Variants in MBD5 observed in about 807,000 individuals in gnomAD.
MBD5 encodes the protein methyl-CpG-binding domain protein 5.
MBD5 carries 13 observed loss-of-function variants against 117.3 expected under a neutral mutation model. The observed-to-expected ratio is 0.11, with a 90% CI of 0.07 to 0.18. The LOEUF (loss-of-function observed/expected upper bound fraction) is 0.18. Among genes scored for constraint, MBD5 ranks in the 10% least tolerant of loss-of-function variants. The pLI is 1.00. For missense variants in MBD5, 1,879 were observed against 2,093.8 expected, an observed-to-expected ratio of 0.90 and a Z score of 2.00; for synonymous variants, 727 against 766.4, an observed-to-expected ratio of 0.95 and a Z score of 0.85.
chr2:148,152,180 C>A (rs1372088973), intron 1 of MBD5, among the ~76,000 whole-genome samples: 1 of 152,116 alleles, frequency 6.6e-6, no homozygotes, highest in African/African-American at 2.4e-5. Context: ...TTTATTTCTG[C>A]CTTCATCTCG....
intron 4 of MBD5, among the ~76,000 whole-genome samples, chr2:148,446,600 A>ATGTGTGTGTGTGTGTG (rs1215172950): frequency 1.0e-4 from 1 of 9,944 alleles, no homozygotes; most frequent in Non-Finnish European, 2.8e-4. Context: ...CAGATTATTT[A>ATGTGTGTGTGTGTGTG]TCTGTGTGTG....
intron 3 of MBD5, among the ~76,000 whole-genome samples, chr2:148,294,325 C>T (rs1230070662): frequency 9.8e-5 from 14 of 143,262 alleles, no homozygotes; most frequent in African/African-American, 2.4e-4. Flanking sequence ...CCCGGGTTCA[C>T]GCCATTCTCC....
chr2:148,325,444 G>A (rs1371827283), intron 3 of MBD5, among the ~76,000 whole-genome samples: 6 of 152,132 alleles, frequency 3.9e-5, no homozygotes, highest in Non-Finnish European at 7.3e-5. Context: ...GGTAGAATTC[G>A]GCTGTGAATC....
intron 1 of MBD5, among the ~76,000 whole-genome samples, chr2:148,072,691 T>A (rs1388254703): frequency 1.3e-5 from 2 of 152,164 alleles, no homozygotes; most frequent in African/African-American, 4.8e-5. Context: ...GATAATGAGA[T>A]CCTTAGTTTC....
chr2:148,269,668 G>GTTTTTTTT (rs11316954), intron 3 of MBD5, among the ~76,000 whole-genome samples: 2 of 125,852 alleles, frequency 1.6e-5, no homozygotes, highest in East Asian at 2.2e-4. Context: ...AGTTTTTTTA[G>GTTTTTTTT]TTTTTTTTTT....
chr2:148,496,576 A>G (rs1158658264), intron 11 of MBD5, among the ~76,000 whole-genome samples: 6 of 152,224 alleles, frequency 3.9e-5, no homozygotes, highest in Non-Finnish European at 7.3e-5. Flanking sequence ...TGAGGCAACT[A>G]CTTGCTTCTG....
intron 4 of MBD5, among the ~76,000 whole-genome samples, chr2:148,411,841 T>C (rs953877604): frequency 4.6e-5 from 7 of 152,108 alleles, no homozygotes; most frequent in African/African-American, 1.7e-4. Flanking sequence ...AAGCTCTTTA[T>C]TTTAATATTG....
chr2:148,497,915 A>C (rs1681751995), intron 11 of MBD5, among the ~76,000 whole-genome samples: 1 of 152,064 alleles, frequency 6.6e-6, no homozygotes, highest in African/African-American at 2.4e-5. Context: ...GTTCGTGGTC[A>C]TTTTAGATCC....
chr2:148,247,045 T>C, intron 3 of MBD5, among the ~76,000 whole-genome samples: 1 of 152,166 alleles, frequency 6.6e-6, no homozygotes, highest in Non-Finnish European at 1.5e-5. Context: ...TAGTTATAAT[T>C]ACATTTCCTT....
At chr2:148,277,756 T>C (rs938144813) in intron 3 of MBD5, among the ~76,000 whole-genome samples, 1 of 152,162 alleles carries the variant, frequency 6.6e-6, no homozygotes, top group Admixed American at 6.5e-5. Context: ...TTTCTTATAT[T>C]TACTCTTATT....
chr2:148,276,021 T>G (rs1701104054), intron 3 of MBD5, among the ~76,000 whole-genome samples: 1 of 152,164 alleles, frequency 6.6e-6, no homozygotes, highest in Non-Finnish European at 1.5e-5. Flanking sequence ...TTGACTATTT[T>G]TTAACGTTGG....
intron 1 of MBD5, among the ~76,000 whole-genome samples, chr2:148,115,253 T>G (rs1696606752): frequency 6.6e-6 from 1 of 152,206 alleles, no homozygotes; most frequent in Admixed American, 6.5e-5. Flanking sequence ...GTGTGCTTTA[T>G]TATTATTTTC....
chr2:148,152,070 G>A (rs957732894), intron 1 of MBD5, among the ~76,000 whole-genome samples: 7 of 151,356 alleles, frequency 4.6e-5, no homozygotes, highest in South Asian at 2.1e-4. Flanking sequence ...TTTCTCTTGT[G>A]GGCATTTAGT....
chr2:148,255,382 G>T (rs1164307598), intron 3 of MBD5, among the ~76,000 whole-genome samples: 1 of 152,134 alleles, frequency 6.6e-6, no homozygotes, highest in Non-Finnish European at 1.5e-5. Context: ...TCTTTCCCTG[G>T]CCATTCCCCT....
intron 2 of MBD5, among the ~76,000 whole-genome samples, chr2:148,228,258 G>A (rs925709832): frequency 4.6e-5 from 7 of 151,966 alleles, no homozygotes; most frequent in Admixed American, 6.6e-5. Context: ...TGTCATAGAT[G>A]GCTCTTATTA....
At chr2:148,216,354 C>T (rs1398675449) in intron 2 of MBD5, among the ~76,000 whole-genome samples, 1 of 152,208 alleles carries the variant, frequency 6.6e-6, no homozygotes, top group African/African-American at 2.4e-5. Context: ...AGCTACGAAA[C>T]TACCCCAAGA....
At chr2:148,211,205 T>C (rs1319710511) in intron 2 of MBD5, among the ~76,000 whole-genome samples, 1 of 152,204 alleles carries the variant, frequency 6.6e-6, no homozygotes, top group Non-Finnish European at 1.5e-5. Context: ...CTGTGAATTA[T>C]CCTTTACATG....
intron 5 of MBD5, 36 bp from the exon 6 acceptor site, chr2:148,462,546 A>T: frequency 1.5e-6 from 2 of 1,335,762 alleles, no homozygotes; most frequent in Non-Finnish European, 2.2e-6. Flanking sequence ...TGTAGTCAAA[A>T]TTATTTCCTG....
At chr2:148,201,537 G>A (rs1574129585) in intron 2 of MBD5, among the ~76,000 whole-genome samples, 1 of 152,174 alleles carries the variant, frequency 6.6e-6, no homozygotes, top group Non-Finnish European at 1.5e-5. Flanking sequence ...CCTTGCTGCT[G>A]CTTCTTGTCA....
Sources: allele counts gnomAD v4.1 joint callset (sites outside exome capture counted in the v4.1 genomes callset), GRCh38; gene constraint gnomAD v4.1.1; transcripts MANE v1.5; gene names NCBI Gene and HGNC (gene_info 2026-07-23, HGNC 2026-07-21).